LRP1B: variants seen among roughly 807,000 people sequenced by gnomAD.
LRP1B encodes LDL receptor related protein 1B, also known as low-density lipoprotein receptor-related protein 1B.
LRP1B carries 217 observed loss-of-function variants against 556.6 expected under a neutral mutation model. The observed-to-expected ratio is 0.39, with a 90% CI of 0.35 to 0.44. LRP1B has a LOEUF of 0.44. Among genes scored for constraint, LRP1B ranks in the 20% least tolerant of loss-of-function variants. The probability of loss-of-function intolerance (pLI) is 1.00; values close to 1 mark genes in which losing one functional copy is unlikely to be tolerated. For missense variants in LRP1B, 5,053 were observed against 5,620.8 expected (o/e 0.90, Z 3.23); for synonymous variants, 2,047 against 1,865.8 (o/e 1.10, Z -2.50).
intron 35 of LRP1B, among the ~76,000 whole-genome samples, chr2:140,746,240 T>A (rs1202538669): frequency 6.6e-6 from 1 of 152,030 alleles, no homozygotes; most frequent in Non-Finnish European, 1.5e-5. Flanking sequence ...ACTTTTTCAA[T>A]CCCCCCACAT....
At chr2:141,893,348 G>T (rs749775483) in intron 1 of LRP1B, among the ~76,000 whole-genome samples, 77 of 152,128 alleles carry the variant, frequency 5.1e-4, no homozygotes, top group Non-Finnish European at 9.7e-4. Context: ...TTACAGGCGT[G>T]TGCCACCGCA....
intron 7 of LRP1B, among the ~76,000 whole-genome samples, chr2:141,110,639 T>C (rs905440143): frequency 1.9e-5 from 1 of 51,336 alleles, no homozygotes; most frequent in Non-Finnish European, 4.4e-5. Flanking sequence ...GTAATCATGA[T>C]TTTTTTTTTT....
intron 2 of LRP1B, among the ~76,000 whole-genome samples, chr2:141,714,940 G>GA (rs969465229): frequency 6.6e-6 from 1 of 151,936 alleles, no homozygotes; most frequent in African/African-American, 2.4e-5. Flanking sequence ...AGCTTGAATA[G>GA]AAAAAAAGAT....
intron 7 of LRP1B, among the ~76,000 whole-genome samples, chr2:141,082,387 C>T (rs1176357255): frequency 2.0e-5 from 3 of 152,196 alleles, no homozygotes; most frequent in Non-Finnish European, 2.9e-5. Flanking sequence ...TTATTACTTA[C>T]TCAGTTGGTC....
chr2:140,880,304 C>T (rs1261428528), intron 25 of LRP1B, among the ~76,000 whole-genome samples: 1 of 152,098 alleles, frequency 6.6e-6, no homozygotes, highest in African/African-American at 2.4e-5. Flanking sequence ...ATTCTGCACA[C>T]CCTGGTGCTT....
chr2:141,459,143 C>A (rs764491153), intron 3 of LRP1B, among the ~76,000 whole-genome samples: 9 of 152,090 alleles, frequency 5.9e-5, no homozygotes, highest in Non-Finnish European at 8.8e-5. Flanking sequence ...AAGCTCCCAG[C>A]GAACCTGGCA....
chr2:141,728,278 C>T (rs1006622615), intron 2 of LRP1B, among the ~76,000 whole-genome samples: 2 of 152,084 alleles, frequency 1.3e-5, no homozygotes, highest in African/African-American at 2.4e-5. Flanking sequence ...GAGTATGAGG[C>T]GTAGCTGACA....
At chr2:142,062,241 A>T (rs1303518613) in intron 1 of LRP1B, among the ~76,000 whole-genome samples, 1 of 151,844 alleles carries the variant, frequency 6.6e-6, no homozygotes, top group Admixed American at 6.6e-5. Flanking sequence ...AGGGTTATTA[A>T]AAAGATGATT....
Position 141,034,592 on chromosome 2 carries a change from A to G in LRP1B, c.1789+14394T>C, listed in dbSNP as rs1201242716. Among the ~76,000 whole-genome samples, 11 of 152,146 alleles carry G rather than the reference A, an allele frequency of 7.2e-5. No homozygotes were observed. In the East Asian group the frequency reaches 1.9e-3, roughly 27 times the overall value. On this transcript the variant is annotated intron_variant, in intron 11 of 90. Transcript: ENST00000389484. ...AAAAGAGGACATTTATGCAGCCAAA[A>G]AACACATGAAAAAATGCTCATCATC...
chr2:140,640,939 C>T (rs1385414879), intron 41 of LRP1B, among the ~76,000 whole-genome samples: 1 of 152,088 alleles, frequency 6.6e-6, no homozygotes, highest in Admixed American at 6.6e-5. Context: ...CATGAATTAC[C>T]ATGGCCACAT....
chr2:141,648,914 C>A (rs1235348859), intron 2 of LRP1B, among the ~76,000 whole-genome samples: 2 of 152,220 alleles, frequency 1.3e-5, no homozygotes, highest in Non-Finnish European at 2.9e-5. Flanking sequence ...TCTTACTCTA[C>A]ACAATTCTGC....
chr2:141,142,333 T>G (rs901499911), intron 7 of LRP1B, among the ~76,000 whole-genome samples: 2 of 152,186 alleles, frequency 1.3e-5, no homozygotes, highest in African/African-American at 4.8e-5. Flanking sequence ...TTTGCAAACA[T>G]CGGCTTCAGT....
intron 32 of LRP1B, among the ~76,000 whole-genome samples, chr2:140,796,694 G>A (rs1450945250): frequency 6.6e-6 from 1 of 152,056 alleles, no homozygotes; most frequent in Non-Finnish European, 1.5e-5. Flanking sequence ...ATTGCTCAGT[G>A]CGCACTGCAA....
chr2:140,330,871 C>T (rs942452887), intron 79 of LRP1B, among the ~76,000 whole-genome samples: 5 of 151,630 alleles, frequency 3.3e-5, no homozygotes, highest in African/African-American at 7.3e-5. Context: ...CAAATTTACA[C>T]GAAAAAACAA....
intron 62 of LRP1B, among the ~76,000 whole-genome samples, chr2:140,451,056 C>T (rs1020860797): frequency 4.6e-5 from 7 of 152,190 alleles, no homozygotes; most frequent in African/African-American, 1.7e-4. Flanking sequence ...ATTCTCCCAC[C>T]TCAGCCTCCA....
At chr2:141,538,525 A>C (rs1444503990) in intron 2 of LRP1B, among the ~76,000 whole-genome samples, 1 of 152,068 alleles carries the variant, frequency 6.6e-6, no homozygotes, top group Non-Finnish European at 1.5e-5. Flanking sequence ...AATATGGTTC[A>C]TTTTAAACCC....
At chr2:140,726,509 G>T (rs984069950) in intron 35 of LRP1B, among the ~76,000 whole-genome samples, 5 of 152,070 alleles carry the variant, frequency 3.3e-5, no homozygotes, top group Non-Finnish European at 1.5e-5. Context: ...ATTCCTGTTT[G>T]CATGGCAATT....
intron 2 of LRP1B, among the ~76,000 whole-genome samples, chr2:141,609,033 C>T (rs1688016898): frequency 6.6e-6 from 1 of 152,120 alleles, no homozygotes; most frequent in Non-Finnish European, 1.5e-5. Context: ...TTGTGCTACT[C>T]ACAATGTAGC....
chr2:140,583,593 T>A (rs997686866), intron 43 of LRP1B, among the ~76,000 whole-genome samples: 1 of 152,130 alleles, frequency 6.6e-6, no homozygotes, highest in Non-Finnish European at 1.5e-5. Context: ...AATTATGCAA[T>A]AATTAAGGTC....
Sources: gnomAD v4.1 joint callset for allele counts (sites outside exome capture counted in the v4.1 genomes callset) on GRCh38, gnomAD v4.1.1 for gene constraint, MANE v1.5 for transcripts, NCBI Gene and HGNC (gene_info 2026-07-23, HGNC 2026-07-21) for gene names.